Variants in TTI1 observed in about 807,000 individuals in gnomAD.
The protein encoded by TTI1 is TELO2-interacting protein 1 homolog.
A neutral mutation model predicts 85.4 loss-of-function variants in TTI1; 52 were observed. The observed-to-expected ratio is 0.61, with a 90% CI of 0.49 to 0.77. The LOEUF (loss-of-function observed/expected upper bound fraction) is 0.77, where lower values mean the gene tolerates loss of function less well. Among genes scored for constraint, TTI1 ranks in the 30% least tolerant of loss-of-function variants. The pLI is 0.00. For missense variants in TTI1, 1,173 were observed against 1,296.0 expected, an observed-to-expected ratio of 0.91 and a Z score of 1.46; for synonymous variants, 512 against 503.9, an observed-to-expected ratio of 1.02 and a Z score of -0.22.
intron 7 of TTI1, among the ~76,000 whole-genome samples, chr20:37,984,045 G>A (rs1467799765): frequency 6.6e-6 from 1 of 152,164 alleles, no homozygotes; most frequent in Admixed American, 6.5e-5. Flanking sequence ...GTTGAGGCAG[G>A]CCCAGGGCAG....
At chr20:38,024,483 C>CCTGGGGGAA (rs1430623255) in intron 1 of TTI1, among the ~76,000 whole-genome samples, 1 of 152,086 alleles carries the variant, frequency 6.6e-6, no homozygotes, top group Admixed American at 6.5e-5. Flanking sequence ...TTTCTTTCTG[C>CCTGGGGGAA]CTCATAGACC....
intron 4 of TTI1, among the ~76,000 whole-genome samples, chr20:38,001,579 G>A (rs1265286205): frequency 6.6e-6 from 1 of 152,160 alleles, no homozygotes; most frequent in Admixed American, 6.5e-5. Flanking sequence ...GAGCTGTCTT[G>A]GGAAGACTAA....
intron 7 of TTI1, among the ~76,000 whole-genome samples, chr20:37,991,547 C>T (rs984996724): frequency 1.3e-5 from 2 of 152,198 alleles, no homozygotes; most frequent in African/African-American, 4.8e-5. Context: ...TGTAAATGAA[C>T]CTTCAAACCC....
chr20:38,015,272 G>A (rs1214873617), intron 1 of TTI1, among the ~76,000 whole-genome samples: 1 of 152,196 alleles, frequency 6.6e-6, no homozygotes, highest in Non-Finnish European at 1.5e-5. Flanking sequence ...ACCCTATGAG[G>A]AAGGGCACTG....
intron 7 of TTI1, among the ~76,000 whole-genome samples, chr20:37,990,842 C>T (rs1012614550): frequency 2.6e-5 from 4 of 152,206 alleles, no homozygotes; most frequent in African/African-American, 9.7e-5. Context: ...ACACCCCACG[C>T]TTGGCTTTCC....
At chr20:38,031,488 A>G (rs966414107) in intron 1 of TTI1, among the ~76,000 whole-genome samples, 1 of 152,224 alleles carries the variant, frequency 6.6e-6, no homozygotes, top group Non-Finnish European at 1.5e-5. Flanking sequence ...TCTGAGAAGC[A>G]TAAGTAAAAG....
intron 2 of TTI1, among the ~76,000 whole-genome samples, chr20:38,011,077 C>T (rs550229426): frequency 6.6e-6 from 1 of 152,282 alleles, no homozygotes; most frequent in South Asian, 2.1e-4. Flanking sequence ...CAATATGTGA[C>T]TGAATAATTC....
chr20:38,020,323 A>AAAATATATAT lies in TTI1; in HGVS notation c.-41-6467_-41-6466insATATATATTT. ...GGCTACTCATATGAAAAAAAAAAAAAATATATATATATATATATATATATA... is the reference window on the plus strand; with the variant it reads ...GGCTACTCATATGAAAAAAAAAAAAAAAATATATATATATATATATATATATATATATATA... On this transcript the variant is annotated intron_variant, in intron 1 of 7. Transcript: ENST00000373447. Among the ~76,000 whole-genome samples the AAAATATATAT allele has an allele frequency of 2.2e-3, 113 of 50,356 alleles. 1 individual carries two copies. The highest frequency in any genetic ancestry group is 3.2e-3 in the Non-Finnish European group (89 of 27,744). 33.0% of individuals were successfully genotyped at this position (50,356 alleles called of 152,430 possible).
At chr20:37,992,686 G>T (rs574070540) in intron 7 of TTI1, among the ~76,000 whole-genome samples, 1 of 152,364 alleles carries the variant, frequency 6.6e-6, no homozygotes, top group African/African-American at 2.4e-5. Context: ...AAGCCAGGGA[G>T]TCTCAGAGTC....
intron 4 of TTI1, among the ~76,000 whole-genome samples, chr20:37,999,731 T>C (rs2073393835): frequency 6.6e-6 from 1 of 152,162 alleles, no homozygotes; most frequent in Admixed American, 6.5e-5. Context: ...TCTGTGAAGA[T>C]TCATGCAACT....
intron 1 of TTI1, among the ~76,000 whole-genome samples, chr20:38,019,704 TAAAAC>T (rs1675352386): frequency 6.6e-6 from 1 of 152,232 alleles, no homozygotes; most frequent in Non-Finnish European, 1.5e-5. Context: ...GAAGTACAAC[TAAAAC>T]AGCGATTACA....
At chr20:38,023,228 A>G (rs2073792971) in intron 1 of TTI1, among the ~76,000 whole-genome samples, 1 of 152,154 alleles carries the variant, frequency 6.6e-6, no homozygotes, top group African/African-American at 2.4e-5. Flanking sequence ...CAGACTTGGG[A>G]TTCATCTCAA....
In TTI1 at chr20:38,027,711, C is replaced by G. The variant is rs368166872; in HGVS notation, c.-42+5693G>C. On this transcript the variant is annotated intron_variant, in intron 1 of 7. Transcript: ENST00000373447. The stretch of plus-strand genomic sequence containing the variant: ...AGGCTGAGGTGGGTGGATCACCCGA[C>G]GTCAGGAGTTCAAGACCAGGCTGGC... 6.9e-3 allele frequency among the ~76,000 whole-genome samples: 1,055 copies of G among 152,164 alleles called. 5 individuals are homozygous for G. Among genetic ancestry groups the G allele is most frequent in the African/African-American group, 0.02 (838 of 41,518 alleles).
rs2073145035 is a variant in TTI1 at position 37,983,235 on chromosome 20, T to C, written c.*221A>G. On this transcript the variant is annotated 3_prime_UTR_variant, in exon 8 of 8. Coordinates refer to ENST00000373447, the MANE Select transcript of TTI1 (RefSeq NM_001303457.2). ...TTAAACCCTTAGAGCCACCAGACAATGTCACTTGACAACACAAGGTATGAA... is the reference window on the plus strand; with the variant it reads ...TTAAACCCTTAGAGCCACCAGACAACGTCACTTGACAACACAAGGTATGAA... The C allele has an allele frequency of 2.0e-6, 1 of 505,250 alleles. No homozygotes were observed. 31.3% of individuals were successfully genotyped at this position (505,250 alleles called of 1,614,324 possible). A position where few individuals can be genotyped will look rare whatever the true frequency, so the allele number is the denominator to read the frequency against.
chr20:38,020,323 A>AAAAAAAATATATATATATATAT, intron 1 of TTI1, among the ~76,000 whole-genome samples: 1 of 50,386 alleles, frequency 2.0e-5, no homozygotes, highest in African/African-American at 8.9e-5. Context: ...AAAAAAAAAA[A>AAAAAAAATATATATATATATAT]ATATATATAT....
In TTI1 at chr20:38,013,576, C is replaced by T. The variant is rs773994662; in HGVS notation, c.241G>A (p.Val81Ile). 3.1e-6 allele frequency: 5 copies of T among 1,614,196 alleles called. No homozygotes were observed. Among genetic ancestry groups the T allele is most frequent in the Admixed American group, 3.3e-5 (2 of 60,028 alleles). ...TCTTTCACACATGTTGAAGAAAGGACAAATGTGAGGCATTCCACCACACTT... is the reference window on the plus strand; with the variant it reads ...TCTTTCACACATGTTGAAGAAAGGATAAATGTGAGGCATTCCACCACACTT... Reference protein sequence around the residue: ...IQSVVECLTFVLSSTCVKEQE... With the variant: ...IQSVVECLTFILSSTCVKEQE... Residue 81 changes from valine to isoleucine, a missense_variant, in exon 2 of 8, where the codon GTC becomes ATC. By Grantham distance (29) the Val-to-Ile change is conservative. Coordinates refer to ENST00000373447, the MANE Select transcript of TTI1 (RefSeq NM_001303457.2).
intron 4 of TTI1, 116 bp downstream of exon 4, chr20:38,002,512 C>T: frequency 7.3e-7 from 1 of 1,362,540 alleles, no homozygotes; most frequent in Non-Finnish European, 1.0e-6. Flanking sequence ...CTCTTGGCCA[C>T]CACACGTGGA....
intron 1 of TTI1, among the ~76,000 whole-genome samples, chr20:38,032,995 G>T (rs1207021405): frequency 6.6e-6 from 1 of 152,190 alleles, no homozygotes; most frequent in African/African-American, 2.4e-5. Context: ...ATAATACCCT[G>T]AGTGAGAACC....
intron 4 of TTI1, among the ~76,000 whole-genome samples, chr20:37,999,676 G>A (rs2073393246): frequency 6.6e-6 from 1 of 152,208 alleles, no homozygotes; most frequent in African/African-American, 2.4e-5. Context: ...CTTCGCTGGG[G>A]AAGGAGCTTC....
Sources: gnomAD v4.1 joint callset for allele counts (sites outside exome capture counted in the v4.1 genomes callset) on GRCh38, gnomAD v4.1.1 for gene constraint, MANE v1.5 for transcripts, NCBI Gene and HGNC (gene_info 2026-07-23, HGNC 2026-07-21) for gene names.